XYLT1: variants seen among roughly 807,000 people sequenced by gnomAD.
XYLT1 encodes xylosyltransferase 1.
XYLT1 carries 36 observed loss-of-function variants against 91.3 expected under a neutral mutation model. That is an observed-to-expected ratio of 0.39 (90% CI 0.30 to 0.52). The LOEUF is 0.52. Ranked by LOEUF, XYLT1 falls within the 20% of genes least tolerant of loss-of-function variation. The pLI, the probability that XYLT1 is intolerant of heterozygous loss-of-function variation, is 0.68. For missense variants in XYLT1, 1,242 were observed against 1,284.5 expected, an observed-to-expected ratio of 0.97 and a Z score of 0.51; for synonymous variants, 588 against 532.0, an observed-to-expected ratio of 1.11 and a Z score of -1.45.
chr16:17,141,849 T>TA (rs1298307236), intron 6 of XYLT1, among the ~76,000 whole-genome samples: 1 of 152,226 alleles, frequency 6.6e-6, no homozygotes, highest in Non-Finnish European at 1.5e-5. Flanking sequence ...AGTTCTGATA[T>TA]AAAGTAATGC....
intron 1 of XYLT1, among the ~76,000 whole-genome samples, chr16:17,467,138 C>T (rs1385775553): frequency 6.6e-6 from 1 of 152,136 alleles, no homozygotes. Flanking sequence ...CCCCATTCTA[C>T]TTTGTGTGCT....
chr16:17,140,284 A>C (rs2030926093), intron 7 of XYLT1, among the ~76,000 whole-genome samples: 1 of 152,176 alleles, frequency 6.6e-6, no homozygotes, highest in South Asian at 2.1e-4. Context: ...GGAATAATAG[A>C]GCAATGTTCA....
intron 1 of XYLT1, among the ~76,000 whole-genome samples, chr16:17,393,778 A>G (rs1369394591): frequency 6.6e-6 from 1 of 151,242 alleles, no homozygotes; most frequent in Non-Finnish European, 1.5e-5. Flanking sequence ...TATTATTATT[A>G]TTATTATTAT....
rs1966749097 is a variant in XYLT1, at chr16:17,104,554, C to G, written c.*4141G>C. On this transcript the variant is annotated 3_prime_UTR_variant, in exon 12 of 12. Transcript: ENST00000261381. ...CTCTTCTACCAGGGCAATGCATAAT[C>G]TCACTTTAAACCACCTCTCCAGAGA... 1 of 152,178 alleles carries G rather than the reference C, an allele frequency of 6.6e-6. No individual in the cohort carries two copies. Among genetic ancestry groups the G allele is most frequent in the Non-Finnish European group, 1.5e-5 (1 of 68,038 alleles). 9.4% of individuals were successfully genotyped at this position (152,178 alleles called of 1,614,324 possible).
chr16:17,121,085 G>A (rs1368935509), intron 10 of XYLT1, among the ~76,000 whole-genome samples: 1 of 152,146 alleles, frequency 6.6e-6, no homozygotes, highest in Non-Finnish European at 1.5e-5. Flanking sequence ...CTGAACACAT[G>A]GACTTCCCTC....
At chr16:17,425,898 G>T (rs114380402) in intron 1 of XYLT1, among the ~76,000 whole-genome samples, 1,783 of 152,012 alleles carry the variant, frequency 0.012, 46 homozygotes, top group African/African-American at 0.041. Context: ...TTAATGTCCC[G>T]CCACCCTGTG....
At chr16:17,450,765 C>T (rs1044775482) in intron 1 of XYLT1, among the ~76,000 whole-genome samples, 9 of 152,186 alleles carry the variant, frequency 5.9e-5, no homozygotes, top group Admixed American at 3.3e-4. Flanking sequence ...CAGCACAGCC[C>T]GCCATCACAG....
rs562408139 is a variant in XYLT1 at position 17,129,694 on chromosome 16, C to A, written c.2028-1833G>T. Among the ~76,000 whole-genome samples, 17 of 152,290 alleles carry A rather than the reference C, an allele frequency of 1.1e-4. No homozygotes were observed. The East Asian group carries it at 2.9e-3, about 26-fold the overall frequency. On this transcript the variant is annotated intron_variant, in intron 9 of 11. Transcript: ENST00000261381. ...AACCCACTAGCAAAGTGTGACTGTTCAGCCCTTGAAATATGGCCAATGTGA... is the reference window on the plus strand; with the variant it reads ...AACCCACTAGCAAAGTGTGACTGTTAAGCCCTTGAAATATGGCCAATGTGA...
intron 1 of XYLT1, among the ~76,000 whole-genome samples, chr16:17,378,358 G>A (rs2035629365): frequency 6.6e-6 from 1 of 151,710 alleles, no homozygotes; most frequent in Non-Finnish European, 1.5e-5. Context: ...AATATACACT[G>A]TCATCTTGAT....
At chr16:17,448,082 C>A (rs1468067971) in intron 1 of XYLT1, among the ~76,000 whole-genome samples, 1 of 152,222 alleles carries the variant, frequency 6.6e-6, no homozygotes, top group Non-Finnish European at 1.5e-5. Context: ...AAATGTGTAT[C>A]TTTGGCCAGA....
At chr16:17,419,321 G>A (rs1010687704) in intron 1 of XYLT1, among the ~76,000 whole-genome samples, 6 of 151,988 alleles carry the variant, frequency 3.9e-5, no homozygotes, top group East Asian at 3.9e-4. Flanking sequence ...CAGCCTGGGC[G>A]ACAGAGCAAG....
intron 5 of XYLT1, among the ~76,000 whole-genome samples, chr16:17,160,685 C>T (rs1166400075): frequency 6.6e-6 from 1 of 152,166 alleles, no homozygotes; most frequent in South Asian, 2.1e-4. Flanking sequence ...TCGCAAAGGG[C>T]TAACCCCACG....
chr16:17,358,072 T>C (rs750578578), intron 1 of XYLT1, 22 bp from the exon 2 acceptor site: 29 of 1,611,104 alleles, frequency 1.8e-5, no homozygotes, highest in Non-Finnish European at 2.5e-5. Context: ...AAGGAGAAAA[T>C]GCACGTGAGG....
rs115931600 is a variant in XYLT1, at chr16:17,263,692, C to A, written c.403-4194G>T. Among the ~76,000 whole-genome samples the A allele has an allele frequency of 4.0e-3, 611 of 151,980 alleles. 7 individuals are homozygous for A. Among genetic ancestry groups the A allele is most frequent in the African/African-American group, 0.014 (591 of 41,466 alleles). ...TGCGGCGTTCTCTCTGGCTTCCCCC[C>A]TTCAATTCATTTTTTTCTTTTCTTT... On this transcript the variant is annotated intron_variant, in intron 2 of 11. Transcript: ENST00000261381.
At chr16:17,119,348 A>G (rs1265490638) in intron 10 of XYLT1, among the ~76,000 whole-genome samples, 5 of 152,220 alleles carry the variant, frequency 3.3e-5, no homozygotes, top group Admixed American at 3.3e-4. Context: ...AGGTGGATTA[A>G]CTTAGTGGTT....
At position 17,325,311 on chromosome 16, in the gene XYLT1, G is replaced by T. The variant is rs369851745; in HGVS notation, c.402+32701C>A. Reference sequence around the variant, plus strand: ...AGCTACTTGGGAGGCTAAGACAGGGGAATTGCTTGAACCAGGGTGGTGGAG... The same window carrying T: ...AGCTACTTGGGAGGCTAAGACAGGGTAATTGCTTGAACCAGGGTGGTGGAG... On this transcript the variant is annotated intron_variant, in intron 2 of 11. Coordinates refer to ENST00000261381, the MANE Select transcript of XYLT1 (RefSeq NM_022166.4). Among the ~76,000 whole-genome samples, 6 of 152,304 alleles carry T rather than the reference G, an allele frequency of 3.9e-5. No homozygotes were observed. In the East Asian group the frequency reaches 7.7e-4, roughly 20 times the overall value.
intron 1 of XYLT1, among the ~76,000 whole-genome samples, chr16:17,364,258 T>C (rs2035419962): frequency 6.6e-6 from 1 of 152,140 alleles, no homozygotes; most frequent in Non-Finnish European, 1.5e-5. Flanking sequence ...CCAACAGAGC[T>C]ACTGTAACAA....
chr16:17,270,959 G>A (rs2033879510), intron 2 of XYLT1, among the ~76,000 whole-genome samples: 3 of 152,168 alleles, frequency 2.0e-5, no homozygotes, highest in Non-Finnish European at 4.4e-5. Flanking sequence ...GTCACTCGGT[G>A]GGTAAGAGGC....
At chr16:17,160,332 C>A (rs2031517096) in intron 5 of XYLT1, among the ~76,000 whole-genome samples, 1 of 152,196 alleles carries the variant, frequency 6.6e-6, no homozygotes, top group Non-Finnish European at 1.5e-5. Flanking sequence ...TGCTCTGCCT[C>A]CCAACTCTTT....
Sources: allele counts gnomAD v4.1 joint callset (sites outside exome capture counted in the v4.1 genomes callset), GRCh38; gene constraint gnomAD v4.1.1; transcripts MANE v1.5; gene names NCBI Gene and HGNC (gene_info 2026-07-23, HGNC 2026-07-21).